The following ADAM23 variants were observed in gnomAD, a reference collection of about 807,000 sequenced individuals.
The protein encoded by ADAM23 is ADAM metallopeptidase domain 23.
In ADAM23, 33 loss-of-function variants were observed where a neutral mutation model predicts 120.1. The ratio of observed to expected loss-of-function variants is 0.27; its 90% CI spans 0.21 to 0.37. The LOEUF is 0.37. Among genes scored for constraint, ADAM23 ranks in the 10% least tolerant of loss-of-function variants. The pLI, the probability that ADAM23 is intolerant of heterozygous loss-of-function variation, is 1.00. For missense variants in ADAM23, 862 were observed against 1,058.2 expected (o/e 0.81, Z 2.57); for synonymous variants, 367 against 375.2 (o/e 0.98, Z 0.25).
Position 206,560,024 on chromosome 2 carries a change from A to T in ADAM23, c.1075A>T (p.Ile359Phe). 6.2e-7 allele frequency: 1 copy of T among 1,614,156 alleles called. No homozygotes were observed. Among genetic ancestry groups the T allele is most frequent in the Non-Finnish European group, 8.5e-7 (1 of 1,180,018 alleles). ...AGAGACCTGGACTGAGAAGGATCAG[A>T]TTGACATCACCACCAACCCTGTGCA... ...AVETWTEKDQIDITTNPVQML... is the reference protein window; with the variant it reads ...AVETWTEKDQFDITTNPVQML... Residue 359 changes from isoleucine to phenylalanine, a missense_variant, in exon 11 of 26, where the codon ATT (isoleucine) becomes TTT (phenylalanine). Physicochemically the swap from Ile to Phe is conservative, Grantham distance 21. Around this residue, in one of 4 missense-constraint regions of ADAM23, gnomAD observed 617 missense variants for 813.5 expected, o/e 0.76. Coordinates refer to ENST00000264377, the MANE Select transcript of ADAM23 (RefSeq NM_003812.4).
In ADAM23 at chr2:206,458,708, A is replaced by G. The variant is rs996658314; in HGVS notation, c.432+13184A>G. ...TGGTATGGCCCCAAATACTCATACT[A>G]TAAATAGCACACGTTCAGATGATAA... On this transcript the variant is annotated intron_variant, in intron 2 of 25. Transcript: ENST00000264377. Among the ~76,000 whole-genome samples, 3 of 152,228 alleles carry G rather than the reference A, an allele frequency of 2.0e-5. No individual in the cohort carries two copies. In the South Asian group the frequency reaches 6.2e-4, roughly 31 times the overall value.
chr2:206,592,120 C>T (rs1350450041), intron 21 of ADAM23, among the ~76,000 whole-genome samples: 1 of 152,080 alleles, frequency 6.6e-6, no homozygotes, highest in African/African-American at 2.4e-5. Context: ...GATTTTTTGT[C>T]CTTATGCTTT....
chr2:206,449,646 T>G (rs1255693020), intron 2 of ADAM23, among the ~76,000 whole-genome samples: 1 of 152,208 alleles, frequency 6.6e-6, no homozygotes, highest in African/African-American at 2.4e-5. Flanking sequence ...GGTGCGCACC[T>G]GTAATCCCAG....
At chr2:206,565,116 T>C in intron 14 of ADAM23, 48 bp downstream of exon 14, 1 of 1,586,972 alleles carries the variant, frequency 6.3e-7, no homozygotes, top group East Asian at 2.2e-5. Flanking sequence ...TTGCTAAAAT[T>C]GCTGTGTAGA....
chr2:206,523,693 TACAAA>T (rs981071413), intron 3 of ADAM23, among the ~76,000 whole-genome samples: 58 of 152,240 alleles, frequency 3.8e-4, no homozygotes, highest in Non-Finnish European at 7.1e-4. Context: ...AGTCTTCTGT[TACAAA>T]AAGAAAAGAA....
chr2:206,575,022 TG>T (rs1437525324), intron 18 of ADAM23, among the ~76,000 whole-genome samples: 2 of 152,046 alleles, frequency 1.3e-5, no homozygotes, highest in Non-Finnish European at 2.9e-5. Flanking sequence ...AATCAGATGG[TG>T]GTAAGTACAA....
intron 10 of ADAM23, among the ~76,000 whole-genome samples, 165 bp downstream of exon 10, chr2:206,557,663 A>G (rs564478720): frequency 6.6e-6 from 1 of 152,322 alleles, no homozygotes; most frequent in Admixed American, 6.5e-5. Context: ...TAGTGCTCTG[A>G]GAGTTTCAGA....
rs1371842882 is a variant in ADAM23, at chr2:206,617,808, CAAAG to C, written c.*184_*187del. Reference sequence around the variant, plus strand: ...AAACTGTCTCTTTTGGAAATAATGTCAAAGAACACCTTTCACCACCTGTCAGTAA... The same window carrying C: ...AAACTGTCTCTTTTGGAAATAATGTCAACACCTTTCACCACCTGTCAGTAA... On this transcript the variant is annotated 3_prime_UTR_variant, in exon 26 of 26. Coordinates refer to ENST00000264377, the MANE Select transcript of ADAM23 (RefSeq NM_003812.4). The C allele has an allele frequency of 2.4e-5, 31 of 1,304,838 alleles. No homozygotes were observed. The highest frequency in any genetic ancestry group is 3.0e-5 in the Non-Finnish European group (30 of 994,292). The allele number at this position is 1,304,838 out of a possible 1,614,324, so 80.8% of individuals were successfully genotyped here.
At chr2:206,597,814 A>AC (rs1295133163) in intron 24 of ADAM23, among the ~76,000 whole-genome samples, 1 of 152,200 alleles carries the variant, frequency 6.6e-6, no homozygotes, top group Non-Finnish European at 1.5e-5. Context: ...AACTCTCTGA[A>AC]CTTCAGTATA....
At chr2:206,532,115 A>G (rs1392691360) in intron 4 of ADAM23, among the ~76,000 whole-genome samples, 1 of 152,182 alleles carries the variant, frequency 6.6e-6, no homozygotes, top group Non-Finnish European at 1.5e-5. Context: ...GAAAGTGAGC[A>G]GAAAAGCTAA....
At chr2:206,607,925 T>A (rs1297062710) in intron 24 of ADAM23, 2 of 421,104 alleles carry the variant, frequency 4.7e-6, no homozygotes, top group African/African-American at 4.4e-5. Flanking sequence ...CAGGAATCAT[T>A]TTTCATGAAT....
At chr2:206,558,394 T>G (rs1260311487) in intron 10 of ADAM23, among the ~76,000 whole-genome samples, 1 of 152,196 alleles carries the variant, frequency 6.6e-6, no homozygotes, top group Non-Finnish European at 1.5e-5. Context: ...ACTTATTTAC[T>G]CCAAAGAGCT....
In ADAM23 at chr2:206,545,354, C is replaced by T. The variant is rs1179788195; in HGVS notation, c.720+2038C>T. On this transcript the variant is annotated intron_variant, in intron 6 of 25. Transcript: ENST00000264377. ...TACAAAAATTAGCTGGGCGTGGTGA[C>T]GGGAGCCTGTAATCCCAGCTAGTGG... Among the ~76,000 whole-genome samples, 12 of 152,118 alleles carry T rather than the reference C, an allele frequency of 7.9e-5. No individual in the cohort carries two copies. In the East Asian group the frequency reaches 2.1e-3, roughly 27 times the overall value.
chr2:206,598,508 TA>T (rs547774595), intron 24 of ADAM23, among the ~76,000 whole-genome samples: 7 of 151,608 alleles, frequency 4.6e-5, no homozygotes, highest in African/African-American at 9.7e-5. Context: ...ACACTACCTT[TA>T]AAAAAAAATA....
chr2:206,482,870 T>G (rs1265549445), intron 3 of ADAM23, among the ~76,000 whole-genome samples: 1 of 152,154 alleles, frequency 6.6e-6, no homozygotes, highest in African/African-American at 2.4e-5. Context: ...TGAAGTGTGT[T>G]CTAGGCATGT....
At chr2:206,614,920 TC>T (rs1489190317) in intron 25 of ADAM23, among the ~76,000 whole-genome samples, 4 of 152,102 alleles carry the variant, frequency 2.6e-5, no homozygotes. Flanking sequence ...TTAGGCACTT[TC>T]TCTTTCATGG....
At chr2:206,561,886 C>T (rs1697775214) in intron 12 of ADAM23, among the ~76,000 whole-genome samples, 1 of 152,144 alleles carries the variant, frequency 6.6e-6, no homozygotes. Context: ...TAGTAGGTAC[C>T]TCTCTTGACA....
intron 3 of ADAM23, among the ~76,000 whole-genome samples, chr2:206,520,801 G>A (rs1445195114): frequency 6.6e-6 from 1 of 152,002 alleles, no homozygotes; most frequent in Non-Finnish European, 1.5e-5. Context: ...CAAGTTCTGA[G>A]TTCTGGTTCT....
At chr2:206,559,883 ACT>A (rs1697725334) in intron 10 of ADAM23, 70 bp from the exon 11 acceptor site, 39 of 1,378,614 alleles carry the variant, frequency 2.8e-5, no homozygotes, top group Non-Finnish European at 3.9e-5. Context: ...CCTTCCACTG[ACT>A]CTGACTCACT....
Sources: gnomAD v4.1 joint callset for allele counts (sites outside exome capture counted in the v4.1 genomes callset) on GRCh38, gnomAD v4.1.1 for gene constraint, gnomAD v4.1.1 regional missense constraint, MANE v1.5 for transcripts, NCBI Gene and HGNC (gene_info 2026-07-23, HGNC 2026-07-21) for gene names.